PTPN2: variants seen among roughly 807,000 people sequenced by gnomAD.
PTPN2 encodes protein tyrosine phosphatase non-receptor type 2.
PTPN2 carries 19 observed loss-of-function variants against 57.3 expected under a neutral mutation model. The observed-to-expected ratio is 0.33, with a 90% confidence interval of 0.23 to 0.49. PTPN2 has a LOEUF of 0.49. Among genes scored for constraint, PTPN2 ranks in the 20% least tolerant of loss-of-function variants. PTPN2 has a pLI of 0.99. For missense variants in PTPN2, 358 were observed against 501.1 expected, an observed-to-expected ratio of 0.71 and a Z score of 2.73; for synonymous variants, 153 against 164.9, an observed-to-expected ratio of 0.93 and a Z score of 0.55.
Position 12,870,342 on chromosome 18 carries a change from CATATATAT to C in PTPN2, c.70-11096_70-11089del, listed in dbSNP as rs1568168717. 3.9e-3 allele frequency among the ~76,000 whole-genome samples: 126 copies of C among 32,696 alleles called. 5 individuals are homozygous for C. The highest frequency in any genetic ancestry group is 7.5e-3 in the Admixed American group (25 of 3,326). The allele number at this position is 32,696 out of a possible 152,430, so 21.4% of individuals were successfully genotyped here. On this transcript the variant is annotated intron_variant, in intron 1 of 8. Coordinates refer to ENST00000309660, the MANE Select transcript of PTPN2 (RefSeq NM_002828.4). ...ATGTGTATATATATGTATATATATA[CATATATAT>C]GTGTATATATATGTGTATATATACA...
At chr18:12,807,860 TACTGCACAGAATGA>T (rs1286645950) in intron 7 of PTPN2, among the ~76,000 whole-genome samples, 3 of 151,900 alleles carry the variant, frequency 2.0e-5, no homozygotes, top group Non-Finnish European at 4.4e-5. Flanking sequence ...TCTGGTGTTT[TACTGCACAGAATGA>T]CTATGGTTAA....
At chr18:12,795,221 G>A (rs1413892830) in intron 8 of PTPN2, among the ~76,000 whole-genome samples, 1 of 152,098 alleles carries the variant, frequency 6.6e-6, no homozygotes, top group African/African-American at 2.4e-5. Flanking sequence ...TGTTGTGGGA[G>A]CACTTATTCT....
intron 3 of PTPN2, among the ~76,000 whole-genome samples, chr18:12,834,065 C>T (rs1485846817): frequency 6.6e-6 from 1 of 151,934 alleles, no homozygotes; most frequent in African/African-American, 2.4e-5. Flanking sequence ...GGTGGCTCAC[C>T]CCTGTAATCC....
chr18:12,811,265 C>T (rs2041880435), intron 7 of PTPN2, among the ~76,000 whole-genome samples: 1 of 152,094 alleles, frequency 6.6e-6, no homozygotes. Context: ...CAACAAAGTA[C>T]CCCACAAAAA....
Position 12,870,456 on chromosome 18 carries a change from TATATATAGAGAGAGAG to T in PTPN2, c.70-11218_70-11203del, listed in dbSNP as rs1393967832. On this transcript the variant is annotated intron_variant, in intron 1 of 8. Transcript: ENST00000309660. ...ATATATATGTGTATATATATATATA[TATATATAGAGAGAGAG>T]AGAGAGAGAGAGAGAGAGAGAGAGA... Among the ~76,000 whole-genome samples the T allele has an allele frequency of 1.8e-4, 7 of 38,622 alleles. 2 individuals are homozygous for T. Among genetic ancestry groups the T allele is most frequent in the Admixed American group, 7.5e-4 (2 of 2,660 alleles). The allele number at this position is 38,622 out of a possible 152,430, so 25.3% of individuals were successfully genotyped here.
At chr18:12,811,383 TCAA>T (rs2041884609) in intron 7 of PTPN2, among the ~76,000 whole-genome samples, 1 of 152,096 alleles carries the variant, frequency 6.6e-6, no homozygotes, top group Non-Finnish European at 1.5e-5. Context: ...CTCAACAATG[TCAA>T]CAAATAAGAT....
chr18:12,883,357 C>A (rs1392735334), intron 1 of PTPN2, among the ~76,000 whole-genome samples: 1 of 152,242 alleles, frequency 6.6e-6, no homozygotes, highest in Non-Finnish European at 1.5e-5. Flanking sequence ...CGAACCCACG[C>A]TGGGCGCTGC....
chr18:12,874,182 C>T (rs1205615374), intron 1 of PTPN2, among the ~76,000 whole-genome samples: 3 of 151,708 alleles, frequency 2.0e-5, no homozygotes, highest in South Asian at 2.1e-4. Flanking sequence ...CCAGGCGAGC[C>T]GCCCCATCTG....
At position 12,794,003 on chromosome 18, in the gene PTPN2, T is replaced by C. The variant is rs1304393975; in HGVS notation, c.*275A>G. 3 of 1,305,082 alleles carry C rather than the reference T, an allele frequency of 2.3e-6. No individual in the cohort carries two copies. The African/African-American group carries it at 4.5e-5, about 19-fold the overall frequency. The allele number at this position is 1,305,082 out of a possible 1,614,324, so 80.8% of individuals were successfully genotyped here. A position where few individuals can be genotyped will look rare whatever the true frequency, so the allele number is the denominator to read the frequency against. ...AATGTTGGTCAGGTGAAATACTGTG[T>C]TTGACATGTATGAATACAGTTGCAA... On this transcript the variant is annotated 3_prime_UTR_variant, in exon 9 of 9. Coordinates refer to ENST00000309660, the MANE Select transcript of PTPN2 (RefSeq NM_002828.4).
intron 2 of PTPN2, among the ~76,000 whole-genome samples, chr18:12,851,955 A>C (rs634153): frequency 2.0e-5 from 3 of 152,146 alleles, no homozygotes; most frequent in Non-Finnish European, 2.9e-5. Context: ...CAGAAAGACA[A>C]ATACTGCATG....
At position 12,862,276 on chromosome 18, in the gene PTPN2, A is replaced by T. The variant is rs552140231; in HGVS notation, c.70-3022T>A. On this transcript the variant is annotated intron_variant, in intron 1 of 8. Transcript: ENST00000309660. ...CGGGTTCAAGAGATTCTCCTGTCTC[A>T]GCCTCTTGAGTAGCTGGGATTACAG... 2.0e-5 allele frequency: 3 copies of T among 152,158 alleles called. No homozygotes were observed. In the East Asian group the frequency reaches 5.8e-4, roughly 29 times the overall value. The allele number at this position is 152,158 out of a possible 1,614,324, so 9.4% of individuals were successfully genotyped here. A position where few individuals can be genotyped will look rare whatever the true frequency, so the allele number is the denominator to read the frequency against.
At position 12,859,327 on chromosome 18, in the gene PTPN2, G is replaced by A. The variant is rs577422518; in HGVS notation, c.70-73C>T. On this transcript the variant is annotated intron_variant, in intron 1 of 8. Coordinates refer to ENST00000309660, the MANE Select transcript of PTPN2 (RefSeq NM_002828.4). ...AGCAAAACTTATCTTCCCAGCCAGCGTAAAATAACATGAAGCACTTATGAT... is the reference window on the plus strand; with the variant it reads ...AGCAAAACTTATCTTCCCAGCCAGCATAAAATAACATGAAGCACTTATGAT... 205 of 1,038,768 alleles carry A rather than the reference G, an allele frequency of 2.0e-4. 2 individuals carry two copies. The East Asian group carries it at 3.0e-3, about 15-fold the overall frequency. 64.3% of individuals were successfully genotyped at this position (1,038,768 alleles called of 1,614,324 possible).
At chr18:12,796,565 A>C (rs1327813691) in intron 8 of PTPN2, among the ~76,000 whole-genome samples, 3 of 152,202 alleles carry the variant, frequency 2.0e-5, no homozygotes, top group Admixed American at 2.0e-4. Flanking sequence ...CACAGAAAAC[A>C]GTTTGACAGC....
chr18:12,849,283 G>T (rs2043311967), intron 2 of PTPN2, among the ~76,000 whole-genome samples: 2 of 152,318 alleles, frequency 1.3e-5, no homozygotes, highest in Non-Finnish European at 2.9e-5. Context: ...TCTAGGCCGG[G>T]TGCAGAAGCT....
chr18:12,884,204 G>T lies in PTPN2; in HGVS notation c.-63C>A. The T allele has an allele frequency of 3.7e-6, 5 of 1,335,100 alleles. No homozygotes were observed. Among genetic ancestry groups the T allele is most frequent in the Non-Finnish European group, 4.0e-6 (4 of 993,328 alleles). The allele number at this position is 1,335,100 out of a possible 1,614,324, so 82.7% of individuals were successfully genotyped here. A position where few individuals can be genotyped will look rare whatever the true frequency, so the allele number is the denominator to read the frequency against. On this transcript the variant is annotated 5_prime_UTR_variant, in exon 1 of 9. An upstream open reading frame in the 5' UTR gains an earlier in-frame stop. Transcript: ENST00000309660. Reference sequence around the variant, plus strand: ...CGGCGGAGAGGCTCAGGCCCCGCACGATCCGGGGAGAGCGCTGGCGCTGCG... The same window carrying T: ...CGGCGGAGAGGCTCAGGCCCCGCACTATCCGGGGAGAGCGCTGGCGCTGCG...
intron 1 of PTPN2, among the ~76,000 whole-genome samples, chr18:12,873,575 C>G (rs1294177776): frequency 6.6e-6 from 1 of 152,252 alleles, no homozygotes; most frequent in Non-Finnish European, 1.5e-5. Context: ...CAGACGGTGT[C>G]TGGTTCACTC....
chr18:12,870,362 TGTGTATATATACATATATATAC>T lies in PTPN2; in HGVS notation c.70-11130_70-11109del, dbSNP rs2044178426. Among the ~76,000 whole-genome samples, 11 of 33,014 alleles carry T rather than the reference TGTGTATATATACATATATATAC, an allele frequency of 3.3e-4. 2 individuals carry two copies. The highest frequency in any genetic ancestry group is 6.2e-4 in the African/African-American group (4 of 6,454). 21.7% of individuals were successfully genotyped at this position (33,014 alleles called of 152,430 possible). A position where few individuals can be genotyped will look rare whatever the true frequency, so the allele number is the denominator to read the frequency against. On this transcript the variant is annotated intron_variant, in intron 1 of 8. Coordinates refer to ENST00000309660, the MANE Select transcript of PTPN2 (RefSeq NM_002828.4). Reference sequence around the variant, plus strand: ...ATATACATATATATGTGTATATATATGTGTATATATACATATATATACGTATATATGTATATATACACGTATA... The same window carrying T: ...ATATACATATATATGTGTATATATATGTATATATGTATATATACACGTATA...
intron 1 of PTPN2, chr18:12,880,613 C>G (rs1163392712): frequency 1.3e-5 from 2 of 152,396 alleles, no homozygotes; most frequent in Non-Finnish European, 2.9e-5. Context: ...CCTTACCTGT[C>G]AGGTGGCCCT....
At chr18:12,874,811 A>G (rs968589541) in intron 1 of PTPN2, among the ~76,000 whole-genome samples, 5 of 152,218 alleles carry the variant, frequency 3.3e-5, no homozygotes, top group African/African-American at 1.2e-4. Flanking sequence ...AGGTGTGCCC[A>G]ACAGCTCATT....
Sources: allele counts gnomAD v4.1 joint callset (sites outside exome capture counted in the v4.1 genomes callset), GRCh38; gene constraint gnomAD v4.1.1; transcripts MANE v1.5; gene names NCBI Gene and HGNC (gene_info 2026-07-23, HGNC 2026-07-21).